The following ADORA2B variants were observed in gnomAD, a reference collection of about 807,000 sequenced individuals.
The protein encoded by ADORA2B is adenosine A2b receptor, also known as adenosine receptor A2b.
Under a neutral mutation model 20.8 loss-of-function variants are expected in ADORA2B, and 18 were observed. The ratio of observed to expected loss-of-function variants is 0.87; its 90% CI spans 0.60 to 1.29. ADORA2B has a LOEUF of 1.29. ADORA2B is among the 50% of genes most tolerant of loss of function. ADORA2B has a pLI of 0.00. For missense variants in ADORA2B, 441 were observed against 422.7 expected, an observed-to-expected ratio of 1.04 and a Z score of -0.38; for synonymous variants, 179 against 178.3, an observed-to-expected ratio of 1.00 and a Z score of -0.03.
At chr17:15,921,269 C>CAGG in the ADORA2B span, among the ~76,000 whole-genome samples, 3 of 152,228 alleles carry the variant, frequency 2.0e-5, no homozygotes, top group Non-Finnish European at 4.4e-5. Context: ...TTTAAAGCAA[C>CAGG]AGGCGGCTTT....
At chr17:15,940,647 T>C (rs1354190514), upstream of ADORA2B, among the ~76,000 whole-genome samples, 2 of 152,240 alleles carry the variant, frequency 1.3e-5, no homozygotes, top group African/African-American at 4.8e-5. Context: ...TGTACTCTTT[T>C]CCTCTTTATT....
At chr17:15,947,966 A>G (rs1969830900) in intron 1 of ADORA2B, among the ~76,000 whole-genome samples, 1 of 152,166 alleles carries the variant, frequency 6.6e-6, no homozygotes, top group African/African-American at 2.4e-5. Context: ...TGGCGCCCCA[A>G]GCACTGACTT....
intron 1 of ADORA2B, among the ~76,000 whole-genome samples, chr17:15,958,267 C>T (rs762991641): frequency 4.6e-5 from 7 of 152,214 alleles, no homozygotes; most frequent in African/African-American, 1.7e-4. Flanking sequence ...ATCTGCCCAC[C>T]TCGGCCTTCC....
intron 1 of ADORA2B, among the ~76,000 whole-genome samples, chr17:15,971,424 T>C (rs577357276): frequency 7.2e-5 from 11 of 152,304 alleles, no homozygotes; most frequent in South Asian, 4.1e-4. Context: ...GGGCCCATGA[T>C]TGAGCTGCCT....
the ADORA2B span, among the ~76,000 whole-genome samples, chr17:15,932,505 A>G: frequency 4.8e-3 from 731 of 152,080 alleles, 2 homozygotes; most frequent in Admixed American, 0.01. Flanking sequence ...AAAAAAAAAA[A>G]AAAGAAAGAA....
At chr17:15,888,851 T>TATATATATATATATA in the ADORA2B span, among the ~76,000 whole-genome samples, 2 of 6,962 alleles carry the variant, frequency 2.9e-4, no homozygotes, top group Non-Finnish European at 4.5e-4. Context: ...TATATATATA[T>TATATATATATATATA]TTTTTTTTTT....
chr17:15,914,056 G>A, the ADORA2B span, among the ~76,000 whole-genome samples: 2 of 152,226 alleles, frequency 1.3e-5, no homozygotes, highest in Admixed American at 6.5e-5. Context: ...CAGGCACCTA[G>A]GCGGGCTGCC....
chr17:15,908,180 C>T, the ADORA2B span, among the ~76,000 whole-genome samples: 103 of 152,186 alleles, frequency 6.8e-4, 1 homozygote, highest in Admixed American at 3.6e-3. Context: ...CTCAACCTCC[C>T]GGGCTCAACC....
the ADORA2B span, among the ~76,000 whole-genome samples, chr17:15,900,979 G>A: frequency 1.3e-5 from 2 of 152,198 alleles, no homozygotes; most frequent in African/African-American, 2.4e-5. Flanking sequence ...GTGTCCCCAG[G>A]ACTGCCATGT....
the ADORA2B span, among the ~76,000 whole-genome samples, chr17:15,879,342 A>G: frequency 1.3e-5 from 2 of 151,976 alleles, no homozygotes; most frequent in African/African-American, 4.8e-5. Flanking sequence ...AGTCTCAGGT[A>G]CTTGTGAGGC....
chr17:15,858,709 C>T, the ADORA2B span: 1 of 154,044 alleles, frequency 6.5e-6, no homozygotes, highest in Non-Finnish European at 1.5e-5. Context: ...ACAAGCTCAC[C>T]ATTCTGTTGC....
chr17:15,917,321 C>T, the ADORA2B span, among the ~76,000 whole-genome samples: 13 of 152,210 alleles, frequency 8.5e-5, no homozygotes, highest in Admixed American at 5.9e-4. Flanking sequence ...ACGCTGGTGT[C>T]CTCTTGAAGA....
the ADORA2B span, among the ~76,000 whole-genome samples, chr17:15,859,846 G>A: frequency 2.6e-5 from 4 of 152,302 alleles, no homozygotes; most frequent in Non-Finnish European, 1.5e-5. Context: ...TGTTTTGATT[G>A]TGACTAATAT....
chr17:15,927,453 A>C, the ADORA2B span, among the ~76,000 whole-genome samples: 1 of 151,876 alleles, frequency 6.6e-6, no homozygotes, highest in African/African-American at 2.4e-5. Context: ...ACTGCACTCC[A>C]GTCTGGCAAC....
At chr17:15,869,816 C>T in the ADORA2B span, among the ~76,000 whole-genome samples, 1 of 152,132 alleles carries the variant, frequency 6.6e-6, no homozygotes, top group Admixed American at 6.6e-5. Context: ...TGGCATTTTT[C>T]CAAGTGGCTT....
chr17:15,881,426 T>A, the ADORA2B span, among the ~76,000 whole-genome samples: 3 of 152,210 alleles, frequency 2.0e-5, no homozygotes, highest in African/African-American at 7.2e-5. Context: ...TATTGTAAAA[T>A]ACACATAACA....
At chr17:15,885,723 AAAC>A in the ADORA2B span, among the ~76,000 whole-genome samples, 2 of 152,120 alleles carry the variant, frequency 1.3e-5, no homozygotes, top group African/African-American at 4.8e-5. Context: ...CAAAAAAAAA[AAAC>A]AAAAAAAAAC....
At chr17:15,850,502 A>T in the ADORA2B span, 1 of 152,860 alleles carries the variant, frequency 6.5e-6, no homozygotes, top group South Asian at 2.1e-4. Context: ...AAAGAGGTAA[A>T]TCAAAAAGTA....
chr17:15,965,067 AAC>A (rs1306836172), intron 1 of ADORA2B, among the ~76,000 whole-genome samples: 1 of 152,216 alleles, frequency 6.6e-6, no homozygotes, highest in Non-Finnish European at 1.5e-5. Flanking sequence ...CTCAAAAACA[AAC>A]AAACAAAATT....
Sources: allele counts gnomAD v4.1 joint callset (sites outside exome capture counted in the v4.1 genomes callset), GRCh38; gene constraint gnomAD v4.1.1; transcripts MANE v1.5; gene names NCBI Gene and HGNC (gene_info 2026-07-23, HGNC 2026-07-21).